The following DMXL2 variants were observed in gnomAD, a reference collection of about 807,000 sequenced individuals.
DMXL2 encodes dmX-like protein 2.
In DMXL2, 103 loss-of-function variants were observed where a neutral mutation model predicts 331.1. That is an observed-to-expected ratio of 0.31 (90% CI 0.27 to 0.37). DMXL2 has a LOEUF of 0.37. DMXL2 is among the 10% of genes least tolerant of loss of function. DMXL2 has a pLI of 1.00. For synonymous variants in DMXL2, 1,281 were observed against 1,252.1 expected (o/e 1.02, Z -0.49); for missense variants, 3,171 against 3,642.9 (o/e 0.87, Z 3.33).
chr15:51,596,933 A>C (rs2052858994), intron 1 of DMXL2, among the ~76,000 whole-genome samples: 1 of 151,928 alleles, frequency 6.6e-6, no homozygotes, highest in African/African-American at 2.4e-5. Context: ...AGGTGGGAGG[A>C]GGGGGGTGGG....
intron 6 of DMXL2, among the ~76,000 whole-genome samples, chr15:51,557,168 T>A (rs1337319469): frequency 6.6e-6 from 1 of 152,224 alleles, no homozygotes; most frequent in Non-Finnish European, 1.5e-5. Context: ...ACAGATGAAT[T>A]ATTAGAATTA....
At chr15:51,450,480 T>A in intron 42 of DMXL2, 134 bp from the exon 43 acceptor site, 1 of 859,074 alleles carries the variant, frequency 1.2e-6, no homozygotes, top group Non-Finnish European at 1.8e-6. Flanking sequence ...GTTTTGTAAG[T>A]CATTGAATTT....
rs66990182 is a variant in DMXL2 at position 51,560,504 on chromosome 15, CAAAAAAAAAAA to C, written c.567+2866_567+2876del. ...CAACATAATGAAACCTTATTTCTAC[CAAAAAAAAAAA>C]AAAAAAAAAAAAAAAACTAGCCAGA... On this transcript the variant is annotated intron_variant, in intron 6 of 43. Transcript: ENST00000560891. Among the ~76,000 whole-genome samples, 6 of 41,522 alleles carry C rather than the reference CAAAAAAAAAAA, an allele frequency of 1.4e-4. No individual in the cohort carries two copies. In the East Asian group the frequency reaches 1.8e-3, roughly 13 times the overall value. The allele number at this position is 41,522 out of a possible 152,430, so 27.2% of individuals were successfully genotyped here. A position where few individuals can be genotyped will look rare whatever the true frequency, so the allele number is the denominator to read the frequency against.
chr15:51,591,962 G>T (rs2052383000), intron 1 of DMXL2, among the ~76,000 whole-genome samples: 1 of 152,062 alleles, frequency 6.6e-6, no homozygotes, highest in African/African-American at 2.4e-5. Flanking sequence ...CACAAAGATG[G>T]GGAAAAAACA....
intron 6 of DMXL2, among the ~76,000 whole-genome samples, chr15:51,556,140 G>A (rs920305268): frequency 2.3e-4 from 35 of 151,650 alleles, no homozygotes; most frequent in East Asian, 3.9e-4. Context: ...TCAGGAGATC[G>A]AGACCATCCT....
chr15:51,580,976 G>T (rs4775953), intron 1 of DMXL2, among the ~76,000 whole-genome samples: 72,625 of 151,920 alleles, frequency 0.48, 17,733 homozygotes, highest in Non-Finnish European at 0.52. Flanking sequence ...TCTGAACTCC[G>T]AAAAATTGTA....
chr15:51,479,240 G>C (rs573737751), intron 25 of DMXL2, among the ~76,000 whole-genome samples: 2 of 152,300 alleles, frequency 1.3e-5, no homozygotes, highest in East Asian at 1.9e-4. Context: ...TGCTGCCAGA[G>C]AGTAAATGTG....
At chr15:51,512,256 G>A (rs1342918820) in intron 15 of DMXL2, among the ~76,000 whole-genome samples, 1 of 151,676 alleles carries the variant, frequency 6.6e-6, no homozygotes, top group African/African-American at 2.4e-5. Context: ...GTGTATATAA[G>A]GTATCACTTT....
At chr15:51,486,388 G>A (rs1173585986) in intron 22 of DMXL2, 51 bp from the exon 23 acceptor site, 7 of 1,340,078 alleles carry the variant, frequency 5.2e-6, no homozygotes, top group Non-Finnish European at 7.2e-6. Flanking sequence ...ATTATTTAGA[G>A]AGATGAAATA....
intron 1 of DMXL2, among the ~76,000 whole-genome samples, chr15:51,619,873 G>C (rs775822156): frequency 7.2e-5 from 11 of 152,026 alleles, no homozygotes; most frequent in Non-Finnish European, 1.2e-4. Context: ...CTGATATTAA[G>C]AAGGAAATAC....
chr15:51,464,592 A>G (rs1208914796), intron 32 of DMXL2, 83 bp downstream of exon 32: 4 of 1,129,202 alleles, frequency 3.5e-6, no homozygotes, highest in African/African-American at 1.6e-5. Flanking sequence ...TGAATGTTTT[A>G]AAGTATATTG....
intron 28 of DMXL2, among the ~76,000 whole-genome samples, chr15:51,474,020 T>C (rs2041357419): frequency 6.6e-6 from 1 of 151,608 alleles, no homozygotes; most frequent in African/African-American, 2.4e-5. Flanking sequence ...TTTTTTTTCA[T>C]TTTATTGTCT....
intron 13 of DMXL2, among the ~76,000 whole-genome samples, chr15:51,517,581 C>A (rs1215018982): frequency 6.6e-6 from 1 of 152,176 alleles, no homozygotes; most frequent in Non-Finnish European, 1.5e-5. Context: ...GATGTATGAA[C>A]AAACAAATGA....
At chr15:51,573,535 T>C (rs80274745) in intron 2 of DMXL2, among the ~76,000 whole-genome samples, 2 of 152,058 alleles carry the variant, frequency 1.3e-5, no homozygotes, top group Non-Finnish European at 2.9e-5. Flanking sequence ...GATGAGTTCA[T>C]GTCCTTTGCA....
intron 13 of DMXL2, among the ~76,000 whole-genome samples, chr15:51,519,650 T>G (rs188806009): frequency 7.6e-4 from 111 of 146,926 alleles, no homozygotes; most frequent in African/African-American, 2.6e-3. Flanking sequence ...TTTTTTTTTT[T>G]TTTTTTTTTG....
intron 19 of DMXL2, among the ~76,000 whole-genome samples, chr15:51,494,598 T>A (rs1323634481): frequency 6.6e-6 from 1 of 152,190 alleles, no homozygotes; most frequent in Non-Finnish European, 1.5e-5. Flanking sequence ...TGGCAGATCT[T>A]CCTGAATCAT....
intron 1 of DMXL2, among the ~76,000 whole-genome samples, chr15:51,590,854 C>T (rs2899475): frequency 0.48 from 72,519 of 151,848 alleles, 17,686 homozygotes; most frequent in Non-Finnish European, 0.52. Flanking sequence ...TTTGCTAGGA[C>T]AGGAGGAGAG....
At chr15:51,530,387 A>G (rs746613876) in intron 13 of DMXL2, among the ~76,000 whole-genome samples, 3 of 152,158 alleles carry the variant, frequency 2.0e-5, no homozygotes, top group Non-Finnish European at 4.4e-5. Context: ...GTTCCAGGAT[A>G]TCAATCAACA....
chr15:51,578,486 G>A (rs8038203), intron 1 of DMXL2, among the ~76,000 whole-genome samples: 72,703 of 151,750 alleles, frequency 0.48, 17,787 homozygotes, highest in Non-Finnish European at 0.52. Flanking sequence ...TTTCTGATCC[G>A]GCAATAGTTC....
Sources: allele counts gnomAD v4.1 joint callset (sites outside exome capture counted in the v4.1 genomes callset), GRCh38; gene constraint gnomAD v4.1.1; transcripts MANE v1.5; gene names NCBI Gene and HGNC (gene_info 2026-07-23, HGNC 2026-07-21).